FAF1: variants seen among roughly 807,000 people sequenced by gnomAD.
FAF1 encodes the protein Fas associated factor 1.
In FAF1, 25 loss-of-function variants were observed where a neutral mutation model predicts 92.5. That is an observed-to-expected ratio of 0.27 (90% CI 0.20 to 0.38). The LOEUF (loss-of-function observed/expected upper bound fraction) is 0.38, where lower values mean the gene tolerates loss of function less well. FAF1 is among the 10% of genes least tolerant of loss of function. FAF1 has a pLI of 1.00. For missense variants in FAF1, 636 were observed against 793.3 expected, an observed-to-expected ratio of 0.80 and a Z score of 2.38; for synonymous variants, 234 against 273.2, an observed-to-expected ratio of 0.86 and a Z score of 1.42.
chr1:50,851,760 C>T (rs1306804444), intron 2 of FAF1, among the ~76,000 whole-genome samples: 1 of 152,050 alleles, frequency 6.6e-6, no homozygotes, highest in Non-Finnish European at 1.5e-5. Context: ...ACAGGTAGAG[C>T]AAGATCCAAT....
chr1:50,682,926 A>G (rs2124371356), intron 7 of FAF1, among the ~76,000 whole-genome samples: 1 of 152,042 alleles, frequency 6.6e-6, no homozygotes, highest in East Asian at 1.9e-4. Flanking sequence ...CCCTGTCTCC[A>G]CTAAAATACA....
At chr1:50,604,139 A>C (rs746981825) in intron 8 of FAF1, among the ~76,000 whole-genome samples, 3 of 152,158 alleles carry the variant, frequency 2.0e-5, no homozygotes, top group Non-Finnish European at 2.9e-5. Context: ...CTAGATTTGG[A>C]AGAGTCCTCA....
intron 8 of FAF1, among the ~76,000 whole-genome samples, chr1:50,653,378 G>T (rs148198162): frequency 1.5e-4 from 23 of 152,102 alleles, no homozygotes; most frequent in African/African-American, 5.6e-4. Context: ...TTCAGATGGA[G>T]TTTTGCTCTT....
intron 15 of FAF1, among the ~76,000 whole-genome samples, chr1:50,498,320 T>C (rs942058746): frequency 6.6e-6 from 1 of 151,928 alleles, no homozygotes; most frequent in African/African-American, 2.4e-5. Context: ...GATAAAAACA[T>C]AGGTGAAAAT....
chr1:50,645,091 T>C (rs1331893712), intron 8 of FAF1, among the ~76,000 whole-genome samples: 3 of 152,220 alleles, frequency 2.0e-5, no homozygotes, highest in Admixed American at 2.0e-4. Flanking sequence ...CCTGTGTTAT[T>C]TGCAAAAGAC....
chr1:50,651,518 C>T (rs1358426753), intron 8 of FAF1, among the ~76,000 whole-genome samples: 1 of 152,164 alleles, frequency 6.6e-6, no homozygotes, highest in Admixed American at 6.5e-5. Context: ...ATTTCTTCAA[C>T]TGAGCAATAA....
chr1:50,705,331 G>C (rs138240734), intron 7 of FAF1, among the ~76,000 whole-genome samples: 2 of 152,290 alleles, frequency 1.3e-5, no homozygotes, highest in East Asian at 3.9e-4. Context: ...AGCATCTTAG[G>C]CATACTGCCC....
chr1:50,904,902 T>C (rs1644823662), intron 1 of FAF1, among the ~76,000 whole-genome samples: 2 of 152,072 alleles, frequency 1.3e-5, no homozygotes, highest in East Asian at 3.9e-4. Flanking sequence ...CTTTTTTTAA[T>C]ATACTTTAAG....
chr1:50,864,795 G>C (rs186908962), intron 1 of FAF1, among the ~76,000 whole-genome samples: 1,531 of 152,046 alleles, frequency 0.01, 106 homozygotes, highest in Admixed American at 0.094. Flanking sequence ...GACTTCATGT[G>C]TAAAACACCA....
At chr1:50,635,489 G>T (rs563829529) in intron 8 of FAF1, among the ~76,000 whole-genome samples, 26 of 152,294 alleles carry the variant, frequency 1.7e-4, no homozygotes, top group Non-Finnish European at 1.2e-4. Flanking sequence ...GCAGTGTCAT[G>T]ATCATGGCTC....
At chr1:50,929,398 C>A (rs928546826) in intron 1 of FAF1, among the ~76,000 whole-genome samples, 5 of 152,088 alleles carry the variant, frequency 3.3e-5, no homozygotes, top group Non-Finnish European at 7.4e-5. Flanking sequence ...AGAATTAATG[C>A]ATGTTTTATG....
At chr1:50,586,226 T>TAA (rs1651226341) in intron 9 of FAF1, among the ~76,000 whole-genome samples, 1 of 152,134 alleles carries the variant, frequency 6.6e-6, no homozygotes, top group African/African-American at 2.4e-5. Flanking sequence ...TTACAATACA[T>TAA]AAAAGTAGGA....
chr1:50,475,426 A>T lies in FAF1; in HGVS notation c.1869+38T>A, dbSNP rs770041535. On this transcript the variant is annotated intron_variant, in intron 18 of 18. Coordinates refer to ENST00000396153, the MANE Select transcript of FAF1 (RefSeq NM_007051.3). The stretch of plus-strand genomic sequence containing the variant: ...CAGCTTTAATGATGGCACATCTCCC[A>T]CCTGGATATACTTCCTGAGATAGGT... 1.3e-5 allele frequency: 19 copies of T among 1,507,814 alleles called. No individual in the cohort carries two copies. In the South Asian group the frequency reaches 2.2e-4, roughly 18 times the overall value. The allele number at this position is 1,507,814 out of a possible 1,614,324, so 93.4% of individuals were successfully genotyped here.
chr1:50,873,918 G>C (rs1243713243), intron 1 of FAF1, among the ~76,000 whole-genome samples: 1 of 152,174 alleles, frequency 6.6e-6, no homozygotes. Flanking sequence ...CTAGAGAACA[G>C]AGGTCTTATA....
rs1014542220 is a variant in FAF1, at chr1:50,828,720, G to A, written c.115-27043C>T. Among the ~76,000 whole-genome samples, 14 of 152,186 alleles carry A rather than the reference G, an allele frequency of 9.2e-5. No homozygotes were observed. The East Asian group carries it at 1.7e-3, about 19-fold the overall frequency. On this transcript the variant is annotated intron_variant, in intron 2 of 18. Coordinates refer to ENST00000396153, the MANE Select transcript of FAF1 (RefSeq NM_007051.3). ...TAAAAACAATGCTTCTAAAAGAAAC[G>A]CAGGAAAACATCTTCATGAGCTGAA...
chr1:50,515,264 CAGAT>C (rs1647202592), intron 15 of FAF1, among the ~76,000 whole-genome samples: 2 of 152,092 alleles, frequency 1.3e-5, no homozygotes, highest in African/African-American at 4.8e-5. Flanking sequence ...TTCTACTTGA[CAGAT>C]GGGGAAACTG....
At chr1:50,441,655 G>T in intron 18 of FAF1, 132 bp from the exon 19 acceptor site, 1 of 470,436 alleles carries the variant, frequency 2.1e-6, no homozygotes, top group South Asian at 4.8e-5. Flanking sequence ...TATCTTAGTT[G>T]ATCTTCAAAA....
chr1:50,628,927 C>T (rs753732368), intron 8 of FAF1, among the ~76,000 whole-genome samples: 2 of 152,156 alleles, frequency 1.3e-5, no homozygotes, highest in Non-Finnish European at 2.9e-5. Context: ...AATCCCACTG[C>T]TACTTATTAT....
chr1:50,930,069 T>C (rs1645036643), intron 1 of FAF1, among the ~76,000 whole-genome samples: 1 of 152,198 alleles, frequency 6.6e-6, no homozygotes, highest in Admixed American at 6.5e-5. Context: ...AACCAAAATG[T>C]TAGCAAATTA....
Sources: gnomAD v4.1 joint callset for allele counts (sites outside exome capture counted in the v4.1 genomes callset) on GRCh38, gnomAD v4.1.1 for gene constraint, MANE v1.5 for transcripts, NCBI Gene and HGNC (gene_info 2026-07-23, HGNC 2026-07-21) for gene names.